Variants in OLFM3 observed in about 807,000 individuals in gnomAD.
The protein encoded by OLFM3 is noelin-3.
OLFM3 carries 20 observed loss-of-function variants against 48.6 expected under a neutral mutation model. The observed-to-expected ratio is 0.41, with a 90% CI of 0.29 to 0.60. OLFM3 has a LOEUF of 0.60. Among genes scored for constraint, OLFM3 ranks in the 20% least tolerant of loss-of-function variants. OLFM3 has a pLI of 0.28. For synonymous variants in OLFM3, 222 were observed against 198.1 expected, an observed-to-expected ratio of 1.12 and a Z score of -1.01; for missense variants, 437 against 544.3, an observed-to-expected ratio of 0.80 and a Z score of 1.96.
At chr1:101,959,657 G>C (rs183462360) in intron 1 of OLFM3, among the ~76,000 whole-genome samples, 2 of 152,164 alleles carry the variant, frequency 1.3e-5, no homozygotes, top group Admixed American at 1.3e-4. Flanking sequence ...TTTTAAAAAG[G>C]CTGCAGGGCA....
Position 101,920,693 on chromosome 1 carries a change from G to C in OLFM3, c.69+76055C>G, listed in dbSNP as rs1431995749. Among the ~76,000 whole-genome samples the C allele has an allele frequency of 2.6e-5, 4 of 152,148 alleles. No individual in the cohort carries two copies. The East Asian group carries it at 7.7e-4, about 29-fold the overall frequency. On this transcript the variant is annotated intron_variant, in intron 1 of 5. Coordinates refer to ENST00000370103, the MANE Select transcript of OLFM3 (RefSeq NM_058170.4). ...AGGATTGACAAGTGATAGAGGTATT[G>C]GGGTTAAATAAATTTCTGCTTCTGC...
At chr1:101,843,027 C>A (rs1365806646) in intron 1 of OLFM3, among the ~76,000 whole-genome samples, 1 of 152,152 alleles carries the variant, frequency 6.6e-6, no homozygotes, top group Non-Finnish European at 1.5e-5. Flanking sequence ...GGGGGAAAAA[C>A]AGTCATATAC....
intron 1 of OLFM3, among the ~76,000 whole-genome samples, chr1:101,900,124 T>C (rs1658342376): frequency 6.6e-6 from 1 of 152,192 alleles, no homozygotes; most frequent in Non-Finnish European, 1.5e-5. Context: ...TTAATAGTAC[T>C]CATGAGTTTA....
At chr1:101,864,420 T>A (rs1351147733) in intron 1 of OLFM3, among the ~76,000 whole-genome samples, 4 of 152,168 alleles carry the variant, frequency 2.6e-5, no homozygotes, top group Non-Finnish European at 2.9e-5. Flanking sequence ...TATCCTTACA[T>A]CCATTTTTGT....
At chr1:101,923,858 A>G (rs1235242836) in intron 1 of OLFM3, among the ~76,000 whole-genome samples, 3 of 152,100 alleles carry the variant, frequency 2.0e-5, no homozygotes, top group Non-Finnish European at 4.4e-5. Flanking sequence ...TCTTCCATAC[A>G]TATTTTTTAA....
At chr1:101,831,402 G>C (rs991092295) in intron 2 of OLFM3, among the ~76,000 whole-genome samples, 1 of 152,142 alleles carries the variant, frequency 6.6e-6, no homozygotes, top group Non-Finnish European at 1.5e-5. Flanking sequence ...ACCTGGAAAA[G>C]GGTAACTGCA....
At chr1:101,951,577 A>G (rs1301069128) in intron 1 of OLFM3, among the ~76,000 whole-genome samples, 2 of 152,020 alleles carry the variant, frequency 1.3e-5, no homozygotes, top group African/African-American at 4.8e-5. Context: ...CTTAGGTTCT[A>G]TTTTTTCCCT....
chr1:101,808,012 T>G (rs1233101779), intron 4 of OLFM3, among the ~76,000 whole-genome samples: 2 of 151,820 alleles, frequency 1.3e-5, no homozygotes, highest in Admixed American at 6.6e-5. Context: ...AGAAGTAGTA[T>G]TATTTTTAAT....
At chr1:101,994,021 T>A (rs1157239612) in intron 1 of OLFM3, among the ~76,000 whole-genome samples, 1 of 151,224 alleles carries the variant, frequency 6.6e-6, no homozygotes, top group Non-Finnish European at 1.5e-5. Flanking sequence ...TGAAATAGAA[T>A]TGGCACTGTT....
intron 1 of OLFM3, among the ~76,000 whole-genome samples, chr1:101,981,505 C>T (rs1661105368): frequency 1.3e-5 from 2 of 152,188 alleles, no homozygotes; most frequent in South Asian, 4.1e-4. Flanking sequence ...CAGCAAAACT[C>T]CTCAGAATTC....
intron 1 of OLFM3, among the ~76,000 whole-genome samples, chr1:101,986,336 G>A (rs1264921094): frequency 6.6e-6 from 1 of 152,020 alleles, no homozygotes; most frequent in Non-Finnish European, 1.5e-5. Flanking sequence ...GCATTTGGTG[G>A]TTCAACATAC....
chr1:101,956,762 A>T (rs1344678194), intron 1 of OLFM3, among the ~76,000 whole-genome samples: 1 of 151,908 alleles, frequency 6.6e-6, no homozygotes, highest in South Asian at 2.1e-4. Flanking sequence ...AAAAATAAAA[A>T]CATGTAACTA....
intron 1 of OLFM3, among the ~76,000 whole-genome samples, chr1:101,875,648 A>G (rs961075338): frequency 1.6e-4 from 21 of 128,680 alleles, no homozygotes; most frequent in African/African-American, 6.0e-4. Flanking sequence ...TACAGTCCCT[A>G]TGCTGAACTT....
At chr1:101,876,845 TTGTCTTGTAAATGACAG>T (rs1355532702) in intron 1 of OLFM3, among the ~76,000 whole-genome samples, 10 of 151,994 alleles carry the variant, frequency 6.6e-5, no homozygotes, top group African/African-American at 2.4e-4. Context: ...TGTGTTCATA[TTGTCTTGTAAATGACAG>T]TGTCCTAAAG....
intron 1 of OLFM3, 37 bp from the exon 2 acceptor site, chr1:101,837,062 C>T (rs774359854): frequency 3.2e-6 from 5 of 1,581,736 alleles, no homozygotes; most frequent in Non-Finnish European, 4.3e-6. Context: ...ACACAGACTC[C>T]TGTTATAGGA....
At chr1:101,973,206 G>T (rs1660858640) in intron 1 of OLFM3, among the ~76,000 whole-genome samples, 1 of 152,180 alleles carries the variant, frequency 6.6e-6, no homozygotes, top group African/African-American at 2.4e-5. Flanking sequence ...TGGAGAAATA[G>T]GAAACCCAGT....
chr1:101,869,604 A>G (rs1018389020), intron 1 of OLFM3, among the ~76,000 whole-genome samples: 11 of 152,164 alleles, frequency 7.2e-5, no homozygotes. Context: ...AAATGTGAGT[A>G]CATGAAATTT....
chr1:101,810,988 G>A (rs1481883571), intron 4 of OLFM3, among the ~76,000 whole-genome samples: 1 of 151,628 alleles, frequency 6.6e-6, no homozygotes, highest in East Asian at 1.9e-4. Flanking sequence ...ATATACTCCT[G>A]TTGAAGATCC....
Position 101,949,226 on chromosome 1 carries a change from T to G in OLFM3, c.69+47522A>C, listed in dbSNP as rs112556690. Reference sequence around the variant, plus strand: ...TGTTTATGTTCCCTCCCTACCTCACTGCAAGCTCCTCTTCAACCTTCTTTG... The same window carrying G: ...TGTTTATGTTCCCTCCCTACCTCACGGCAAGCTCCTCTTCAACCTTCTTTG... On this transcript the variant is annotated intron_variant, in intron 1 of 5. Coordinates refer to ENST00000370103, the MANE Select transcript of OLFM3 (RefSeq NM_058170.4). Among the ~76,000 whole-genome samples, 345 of 152,288 alleles carry G rather than the reference T, an allele frequency of 2.3e-3. 5 individuals carry two copies. Among genetic ancestry groups the G allele is most frequent in the African/African-American group, 7.8e-3 (325 of 41,568 alleles).
Sources: gnomAD v4.1 joint callset for allele counts (sites outside exome capture counted in the v4.1 genomes callset) on GRCh38, gnomAD v4.1.1 for gene constraint, MANE v1.5 for transcripts, NCBI Gene and HGNC (gene_info 2026-07-23, HGNC 2026-07-21) for gene names.